GRM1: variants seen among roughly 807,000 people sequenced by gnomAD.
GRM1 encodes the protein glutamate metabotropic receptor 1.
GRM1 carries 33 observed loss-of-function variants against 90.9 expected under a neutral mutation model. That is an observed-to-expected ratio of 0.36 (90% CI 0.28 to 0.49). GRM1 has a LOEUF of 0.49. Among genes scored for constraint, GRM1 ranks in the 20% least tolerant of loss-of-function variants. The pLI is 0.99. For missense variants in GRM1, 1,190 were observed against 1,534.3 expected (o/e 0.78, Z 3.75); for synonymous variants, 700 against 613.2 (o/e 1.14, Z -2.09).
chr6:146,170,011 T>A (rs939973540), intron 2 of GRM1, among the ~76,000 whole-genome samples: 3 of 152,236 alleles, frequency 2.0e-5, no homozygotes, highest in African/African-American at 7.2e-5. Context: ...TATTTCACCT[T>A]TAATTTTGAA....
chr6:146,335,743 G>A (rs930831031), intron 3 of GRM1, among the ~76,000 whole-genome samples: 6 of 152,132 alleles, frequency 3.9e-5, no homozygotes, highest in Non-Finnish European at 8.8e-5. Context: ...CATTAAAAGA[G>A]TACAATGCTT....
chr6:146,342,830 T>C (rs1250822607), intron 3 of GRM1, among the ~76,000 whole-genome samples: 2 of 152,212 alleles, frequency 1.3e-5, no homozygotes, highest in African/African-American at 4.8e-5. Context: ...GTTGCAAAGA[T>C]AGCACAGAGT....
At chr6:146,364,954 T>G (rs1475134385) in intron 5 of GRM1, 1 of 152,176 alleles carries the variant, frequency 6.6e-6, no homozygotes, top group Non-Finnish European at 1.5e-5. Flanking sequence ...TTTTTCCCTC[T>G]TTGTGAATCA....
intron 2 of GRM1, among the ~76,000 whole-genome samples, chr6:146,265,484 T>C (rs1172228114): frequency 6.6e-6 from 1 of 152,200 alleles, no homozygotes. Context: ...TAGGTTGTCT[T>C]CTTATTCTGT....
intron 2 of GRM1, among the ~76,000 whole-genome samples, chr6:146,198,459 T>A (rs1346906894): frequency 6.6e-6 from 1 of 152,118 alleles, no homozygotes; most frequent in Non-Finnish European, 1.5e-5. Flanking sequence ...TGGGGGAAAG[T>A]CTCAGTGGTT....
chr6:146,042,191 G>A (rs1355762204), intron 1 of GRM1, among the ~76,000 whole-genome samples: 1 of 151,994 alleles, frequency 6.6e-6, no homozygotes, highest in Non-Finnish European at 1.5e-5. Flanking sequence ...GATTTTGGGG[G>A]ACGTTCAGAC....
Position 146,360,686 on chromosome 6 carries a change from C to A in GRM1, c.1602+2992C>A, listed in dbSNP as rs187942139. On this transcript the variant is annotated intron_variant, in intron 5 of 7. Coordinates refer to ENST00000282753, the MANE Select transcript of GRM1 (RefSeq NM_001278064.2). ...CATTAGTTGCTCCTATTTTACCAAA[C>A]CCATCCAGAAGACAGCTGGCAAGAG... Among the ~76,000 whole-genome samples, 165 of 152,258 alleles carry A rather than the reference C, an allele frequency of 1.1e-3. 1 individual carries two copies. The highest frequency in any genetic ancestry group is 6.9e-3 in the Admixed American group (105 of 15,290).
rs762556850 is a variant in GRM1 at position 146,434,816 on chromosome 6, A to T, written c.*20A>T. On this transcript the variant is annotated 3_prime_UTR_variant, in exon 8 of 8. Transcript: ENST00000282753. Reference sequence around the variant, plus strand: ...CTGTAAGGGGGAAGGGTCCACATAGAAAAGCAAGACAAGCCAGAGATCTCC... The same window carrying T: ...CTGTAAGGGGGAAGGGTCCACATAGTAAAGCAAGACAAGCCAGAGATCTCC... 5 of 1,584,880 alleles carry T rather than the reference A, an allele frequency of 3.2e-6. No individual in the cohort carries two copies. Among genetic ancestry groups the T allele is most frequent in the Non-Finnish European group, 4.3e-6 (5 of 1,167,340 alleles).
intron 2 of GRM1, among the ~76,000 whole-genome samples, chr6:146,276,911 G>A (rs891448497): frequency 6.6e-6 from 1 of 152,046 alleles, no homozygotes; most frequent in Admixed American, 6.6e-5. Flanking sequence ...GACCAGCCTG[G>A]TCAATATAGT....
intron 1 of GRM1, among the ~76,000 whole-genome samples, chr6:146,147,715 T>C (rs1405896270): frequency 6.6e-6 from 1 of 152,154 alleles, no homozygotes; most frequent in Non-Finnish European, 1.5e-5. Flanking sequence ...AAGTGCTTCC[T>C]TGTGTTGGAG....
intron 2 of GRM1, among the ~76,000 whole-genome samples, chr6:146,204,799 T>C (rs1362957678): frequency 6.6e-6 from 1 of 152,212 alleles, no homozygotes; most frequent in African/African-American, 2.4e-5. Context: ...AGGGGCACTT[T>C]TGTGCACGCA....
Position 146,411,354 on chromosome 6 carries a change from T to C in GRM1, c.2660+11655T>C, listed in dbSNP as rs777821961. 3.9e-5 allele frequency among the ~76,000 whole-genome samples: 6 copies of C among 152,098 alleles called. No homozygotes were observed. The South Asian group carries it at 6.2e-4, about 16-fold the overall frequency. On this transcript the variant is annotated intron_variant, in intron 7 of 7. Transcript: ENST00000282753. The stretch of plus-strand genomic sequence containing the variant: ...CGGGAAAAAAAGCACTCACAGATGA[T>C]GGAAATGAAGCAATTCCAGGATGCC...
chr6:146,188,766 C>A (rs1330426088), intron 2 of GRM1, among the ~76,000 whole-genome samples: 1 of 152,162 alleles, frequency 6.6e-6, no homozygotes, highest in African/African-American at 2.4e-5. Flanking sequence ...AAATTAGCCA[C>A]AAAATTAGAC....
intron 5 of GRM1, among the ~76,000 whole-genome samples, chr6:146,360,361 A>G (rs886765367): frequency 6.6e-5 from 10 of 152,106 alleles, no homozygotes; most frequent in Non-Finnish European, 1.3e-4. Context: ...GAAGAAGAGA[A>G]AAATTTTTGT....
intron 2 of GRM1, among the ~76,000 whole-genome samples, chr6:146,239,852 G>A (rs1286210244): frequency 2.0e-5 from 3 of 152,052 alleles, no homozygotes; most frequent in Non-Finnish European, 4.4e-5. Context: ...CGGAGATTCA[G>A]GAACCGAATT....
intron 1 of GRM1, among the ~76,000 whole-genome samples, chr6:146,130,714 A>G (rs1583045560): frequency 6.6e-6 from 1 of 152,170 alleles, no homozygotes; most frequent in Admixed American, 6.5e-5. Flanking sequence ...GGAGACACCT[A>G]ATTTTTGAGA....
intron 3 of GRM1, among the ~76,000 whole-genome samples, chr6:146,330,993 A>T (rs964785800): frequency 3.3e-5 from 5 of 152,174 alleles, no homozygotes; most frequent in African/African-American, 7.2e-5. Context: ...TAGCATGCCA[A>T]ATTGTGAGAT....
intron 3 of GRM1, among the ~76,000 whole-genome samples, chr6:146,351,914 T>C (rs1300747916): frequency 1.3e-5 from 2 of 152,266 alleles, no homozygotes; most frequent in Non-Finnish European, 2.9e-5. Flanking sequence ...TTAATATAAG[T>C]TCCTGTGAAC....
chr6:146,331,266 C>T (rs1784580586), intron 3 of GRM1, among the ~76,000 whole-genome samples: 1 of 152,162 alleles, frequency 6.6e-6, no homozygotes, highest in Admixed American at 6.6e-5. Flanking sequence ...CTCATGCCCT[C>T]TTAGAGCTAT....
Sources: allele counts gnomAD v4.1 joint callset (sites outside exome capture counted in the v4.1 genomes callset), GRCh38; gene constraint gnomAD v4.1.1; transcripts MANE v1.5; gene names NCBI Gene and HGNC (gene_info 2026-07-23, HGNC 2026-07-21).